The following INSR variants were observed in gnomAD, a reference collection of about 807,000 sequenced individuals.
The protein encoded by INSR is IR.
Under a neutral mutation model 142.6 loss-of-function variants are expected in INSR, and 67 were observed. The observed-to-expected ratio is 0.47, with a 90% CI of 0.39 to 0.58. The LOEUF is 0.58. INSR is among the 20% of genes least tolerant of loss of function. The probability of loss-of-function intolerance (pLI) is 0.00; values close to 1 mark genes in which losing one functional copy is unlikely to be tolerated. For synonymous variants in INSR, 756 were observed against 743.1 expected (o/e 1.02, Z -0.28); for missense variants, 1,248 against 1,833.2 (o/e 0.68, Z 5.83).
chr19:7,129,789 G>A (rs767119146), intron 14 of INSR, among the ~76,000 whole-genome samples: 1 of 152,034 alleles, frequency 6.6e-6, no homozygotes, highest in Non-Finnish European at 1.5e-5. Context: ...CCAGGCTGGA[G>A]TACAGTGGCA....
chr19:7,257,166 A>C (rs1976920766), intron 2 of INSR, among the ~76,000 whole-genome samples: 1 of 151,426 alleles, frequency 6.6e-6, no homozygotes, highest in Non-Finnish European at 1.5e-5. Flanking sequence ...GTGGTCTCGA[A>C]CTCCTGACCT....
chr19:7,255,121 G>A (rs1976849775), intron 2 of INSR, among the ~76,000 whole-genome samples: 2 of 151,900 alleles, frequency 1.3e-5, no homozygotes, highest in Admixed American at 6.6e-5. Flanking sequence ...TCATCTCTGG[G>A]GCAGCCAAGT....
chr19:7,289,113 G>A (rs966282219), intron 1 of INSR, among the ~76,000 whole-genome samples: 3 of 152,122 alleles, frequency 2.0e-5, no homozygotes, highest in African/African-American at 7.2e-5. Flanking sequence ...TCCAGGAGGG[G>A]GGACTGGCAA....
chr19:7,283,483 T>C (rs1968262656), intron 1 of INSR, among the ~76,000 whole-genome samples: 1 of 152,070 alleles, frequency 6.6e-6, no homozygotes, highest in South Asian at 2.1e-4. Flanking sequence ...TCTGTTGCCC[T>C]GGCTGGAATG....
intron 2 of INSR, among the ~76,000 whole-genome samples, chr19:7,249,183 T>G (rs1485715201): frequency 6.6e-6 from 1 of 152,136 alleles, no homozygotes; most frequent in Non-Finnish European, 1.5e-5. Flanking sequence ...AAATTCATCC[T>G]TCCCTGGGAA....
At chr19:7,229,126 A>G (rs1419352483) in intron 2 of INSR, among the ~76,000 whole-genome samples, 1 of 148,060 alleles carries the variant, frequency 6.8e-6, no homozygotes, top group Non-Finnish European at 1.5e-5. Context: ...TGGGTGAGTG[A>G]ATGGATGAAG....
At chr19:7,158,483 A>G (rs1035715421) in intron 9 of INSR, among the ~76,000 whole-genome samples, 1 of 152,206 alleles carries the variant, frequency 6.6e-6, no homozygotes, top group Non-Finnish European at 1.5e-5. Flanking sequence ...CCTGGGTGAC[A>G]GAGCGAGACT....
intron 2 of INSR, among the ~76,000 whole-genome samples, chr19:7,211,709 G>A (rs568388235): frequency 6.6e-6 from 1 of 152,322 alleles, no homozygotes; most frequent in African/African-American, 2.4e-5. Context: ...AAGCTGCAGG[G>A]TCAGGGCCGG....
At chr19:7,188,429 C>CCAGCTACT (rs1216130006) in intron 2 of INSR, among the ~76,000 whole-genome samples, 1 of 150,824 alleles carries the variant, frequency 6.6e-6, no homozygotes, top group Non-Finnish European at 1.5e-5. Context: ...GCCTGTAATC[C>CCAGCTACT]CAGCTACTCA....
rs769881042 is a variant in INSR, at chr19:7,158,282, C to G, written c.2029+4750G>C. ...TTGGGAGGCCAAGGTGGGCAGATCA[C>G]GAGGTCAGGAGATCGAGACCATCCT... On this transcript the variant is annotated intron_variant, in intron 9 of 21. Coordinates refer to ENST00000302850, the MANE Select transcript of INSR (RefSeq NM_000208.4). 9.2e-5 allele frequency among the ~76,000 whole-genome samples: 14 copies of G among 151,866 alleles called. No homozygotes were observed. The South Asian group carries it at 2.9e-3, about 32-fold the overall frequency.
chr19:7,146,904 C>T (rs1215707586), intron 11 of INSR, among the ~76,000 whole-genome samples: 1 of 152,084 alleles, frequency 6.6e-6, no homozygotes, highest in East Asian at 1.9e-4. Context: ...ATCTTCTTTC[C>T]TTCTGGTTTG....
At chr19:7,288,691 G>A (rs901268455) in intron 1 of INSR, among the ~76,000 whole-genome samples, 8 of 150,136 alleles carry the variant, frequency 5.3e-5, no homozygotes, top group Non-Finnish European at 1.0e-4. Flanking sequence ...GGCCGGACAC[G>A]GTGGCTCATG....
At chr19:7,241,505 C>T (rs962178402) in intron 2 of INSR, among the ~76,000 whole-genome samples, 12 of 151,986 alleles carry the variant, frequency 7.9e-5, no homozygotes, top group African/African-American at 2.7e-4. Context: ...ACCTATAATC[C>T]CAGCTACTTG....
In INSR at chr19:7,197,819, C is replaced by CGAGAGAGAGAGAGAACGAGA. The variant is rs1420549273; in HGVS notation, c.653-13202_653-13183dup. Among the ~76,000 whole-genome samples the CGAGAGAGAGAGAGAACGAGA allele has an allele frequency of 4.0e-5, 3 of 75,778 alleles. 1 individual carries two copies. Among genetic ancestry groups the CGAGAGAGAGAGAGAACGAGA allele is most frequent in the Non-Finnish European group, 7.3e-5 (3 of 41,018 alleles). 49.7% of individuals were successfully genotyped at this position (75,778 alleles called of 152,430 possible). On this transcript the variant is annotated intron_variant, in intron 2 of 21. Transcript: ENST00000302850. Reference sequence around the variant, plus strand: ...GTCGGTTCCAGAGTGGGAGAGAGAGCGAGAGAGAGAGAGAACGAGAGAGAG... The same window carrying CGAGAGAGAGAGAGAACGAGA: ...GTCGGTTCCAGAGTGGGAGAGAGAGCGAGAGAGAGAGAGAACGAGAGAGAGAGAGAGAGAACGAGAGAGAG...
chr19:7,217,610 G>T (rs2145089863), intron 2 of INSR, among the ~76,000 whole-genome samples: 1 of 152,276 alleles, frequency 6.6e-6, no homozygotes, highest in East Asian at 1.9e-4. Flanking sequence ...CCAGGCTGGA[G>T]TGCAGTGGGC....
chr19:7,124,460 AT>A (rs1972573831), intron 17 of INSR, among the ~76,000 whole-genome samples: 1 of 138,762 alleles, frequency 7.2e-6, no homozygotes, highest in African/African-American at 2.7e-5. Context: ...AATAGTGTGA[AT>A]CCAGGAGGTG....
At position 7,150,486 on chromosome 19, in the gene INSR, G is replaced by C. The variant is rs953311018; in HGVS notation, c.2267+11C>G. ...GGAGCAGGCACCAGGGGTCGCACAG[G>C]TGAGTCATACCTAGGGTCCTCGGCA... is the stretch of plus-strand genomic sequence containing the variant. On this transcript the variant is annotated intron_variant, in intron 11 of 21. Coordinates refer to ENST00000302850, the MANE Select transcript of INSR (RefSeq NM_000208.4). The surrounding 1 kb of genome is among the most constrained non-coding windows in gnomAD (Gnocchi z 4.2). The C allele has an allele frequency of 3.1e-6, 5 of 1,613,884 alleles. No homozygotes were observed. The African/African-American group carries it at 5.3e-5, about 17-fold the overall frequency.
Position 7,119,023 on chromosome 19 carries a change from T to C in INSR, c.3794+426A>G, listed in dbSNP as rs180812244. Among the ~76,000 whole-genome samples the C allele has an allele frequency of 9.0e-4, 137 of 152,078 alleles. No individual in the cohort carries two copies. The highest frequency in any genetic ancestry group is 3.2e-3 in the African/African-American group (132 of 41,474). The stretch of plus-strand genomic sequence containing the variant: ...GATAACTACCGCTATAGGTGTTTTG[T>C]GCAACCTTCCAAAGATACAATATGC... On this transcript the variant is annotated intron_variant, in intron 21 of 21. Transcript: ENST00000302850. This position sits in a 1 kb window ranked among gnomAD's most constrained non-coding sequence, Gnocchi z 5.2.
chr19:7,124,541 GAAA>G (rs531613079), intron 17 of INSR, among the ~76,000 whole-genome samples: 2 of 9,924 alleles, frequency 2.0e-4, no homozygotes, highest in African/African-American at 4.2e-4. Context: ...TCCGTTTCAG[GAAA>G]AAAAAAAAAA....
Sources: allele counts gnomAD v4.1 joint callset (sites outside exome capture counted in the v4.1 genomes callset), GRCh38; gene constraint gnomAD v4.1.1; non-coding constraint Gnocchi (gnomAD v3.1); transcripts MANE v1.5; gene names NCBI Gene and HGNC (gene_info 2026-07-23, HGNC 2026-07-21).